KDM4C: variants seen among roughly 807,000 people sequenced by gnomAD.
KDM4C encodes lysine demethylase 4C, also known as lysine-specific demethylase 4C.
Under a neutral mutation model 129.3 loss-of-function variants are expected in KDM4C, and 81 were observed. That is an observed-to-expected ratio of 0.63 (90% CI 0.52 to 0.75). KDM4C has a LOEUF of 0.75. Ranked by LOEUF, KDM4C falls within the 30% of genes least tolerant of loss-of-function variation. The pLI, the probability that KDM4C is intolerant of heterozygous loss-of-function variation, is 0.00. For missense variants in KDM4C, 1,457 were observed against 1,304.0 expected (o/e 1.12, Z -1.81); for synonymous variants, 573 against 456.1 (o/e 1.26, Z -3.26).
At chr9:7,105,443 T>G (rs1208393529) in intron 18 of KDM4C, 1 of 470,856 alleles carries the variant, frequency 2.1e-6, no homozygotes, top group East Asian at 6.9e-5. Context: ...AAAGTTGTAT[T>G]GCTACTACTA....
Position 7,014,077 on chromosome 9 carries a change from C to G in KDM4C, c.2182+76C>G, listed in dbSNP as rs1055848936. The G allele has an allele frequency of 1.0e-5, 12 of 1,167,910 alleles. No homozygotes were observed. In the Admixed American group the frequency reaches 1.4e-4, roughly 13 times the overall value. 72.3% of individuals were successfully genotyped at this position (1,167,910 alleles called of 1,614,324 possible). The stretch of plus-strand genomic sequence containing the variant: ...ATCTTTATTTCTCACTTTTTTGGAA[C>G]CTGTCAGATCTGTTGCATGGACTAT... On this transcript the variant is annotated intron_variant, in intron 14 of 21. Transcript: ENST00000381309.
chr9:7,026,860 A>G (rs12342947), intron 15 of KDM4C, among the ~76,000 whole-genome samples: 13,164 of 151,736 alleles, frequency 0.087, 1,001 homozygotes, highest in African/African-American at 0.2. Context: ...CTGCTTGATC[A>G]GTTCTGTCCT....
chr9:6,779,217 A>G (rs1162980670), intron 1 of KDM4C, among the ~76,000 whole-genome samples: 2 of 148,534 alleles, frequency 1.3e-5, no homozygotes, highest in Non-Finnish European at 3.0e-5. Context: ...TTTAGTAGAG[A>G]TGGGGTTTCA....
chr9:6,981,086 G>A lies in KDM4C; in HGVS notation c.1083G>A (p.Gln361=). 12 of 1,612,932 alleles carry A rather than the reference G, an allele frequency of 7.4e-6. No individual in the cohort carries two copies. Among genetic ancestry groups the A allele is most frequent in the Non-Finnish European group, 1.0e-5 (12 of 1,179,516 alleles). ...ASTPEVKAWL[Q]RRRKVRKASR... is the part of the protein sequence containing the mutation. ...CCCCTGAAGTAAAAGCATGGCTGCA[G>A]AGGAGGAGGAAAGTAAGAAAAGCAT... is the stretch of plus-strand genomic sequence containing the variant. Residue 361 remains glutamine, a synonymous_variant, in exon 9 of 22, where the codon CAG becomes CAA. Transcript: ENST00000381309.
At chr9:7,093,385 A>T (rs1163411362) in intron 17 of KDM4C, among the ~76,000 whole-genome samples, 1 of 152,090 alleles carries the variant, frequency 6.6e-6, no homozygotes, top group Non-Finnish European at 1.5e-5. Flanking sequence ...AAAATAATAA[A>T]ATAACAACAC....
intron 18 of KDM4C, among the ~76,000 whole-genome samples, chr9:7,111,161 A>G (rs7870957): frequency 1.6e-3 from 242 of 152,270 alleles, no homozygotes; most frequent in African/African-American, 5.7e-3. Context: ...ATTTAATACA[A>G]TGTGATAAGC....
chr9:7,169,965 G>A (rs1564205205), intron 21 of KDM4C, 75 bp downstream of exon 21: 2 of 1,604,166 alleles, frequency 1.2e-6, no homozygotes, highest in African/African-American at 1.3e-5. Flanking sequence ...CCCAAGCCCA[G>A]CAGGAAACAT....
chr9:7,057,299 AGACACAGATACTAG>A (rs1830995299), intron 17 of KDM4C, among the ~76,000 whole-genome samples: 1 of 152,260 alleles, frequency 6.6e-6, no homozygotes, highest in Non-Finnish European at 1.5e-5. Flanking sequence ...GCTCCTGGTT[AGACACAGATACTAG>A]GACTGTTTTA....
chr9:6,865,596 T>G (rs1013061422), intron 5 of KDM4C, among the ~76,000 whole-genome samples: 3 of 152,096 alleles, frequency 2.0e-5, no homozygotes, highest in Non-Finnish European at 4.4e-5. Flanking sequence ...AGACAGAGTC[T>G]TGGTCTATCA....
At chr9:7,040,762 A>G (rs559226698) in intron 15 of KDM4C, among the ~76,000 whole-genome samples, 1 of 151,922 alleles carries the variant, frequency 6.6e-6, no homozygotes, top group Non-Finnish European at 1.5e-5. Context: ...CTTGTAACTC[A>G]TATAATTGTT....
intron 17 of KDM4C, among the ~76,000 whole-genome samples, chr9:7,084,066 A>G (rs1031450726): frequency 5.3e-5 from 8 of 152,204 alleles, no homozygotes; most frequent in Admixed American, 1.3e-4. Flanking sequence ...GCTGTCTTAG[A>G]ACATTTTAGT....
At chr9:6,926,345 A>AAAAAAAAAAAAAAAAAAAAAAAAAAAAC (rs1452737341) in intron 8 of KDM4C, among the ~76,000 whole-genome samples, 1 of 148,924 alleles carries the variant, frequency 6.7e-6, no homozygotes, top group South Asian at 2.1e-4. Context: ...AATTTGTAAA[A>AAAAAAAAAAAAAAAAAAAAAAAAAAAAC]AAAAAAAAAA....
chr9:7,067,673 A>C (rs1391615821), intron 17 of KDM4C, among the ~76,000 whole-genome samples: 1 of 152,200 alleles, frequency 6.6e-6, no homozygotes, highest in Non-Finnish European at 1.5e-5. Flanking sequence ...TTAGTTACAA[A>C]AGTAACATGC....
At chr9:6,853,964 G>A (rs1839304178) in intron 5 of KDM4C, among the ~76,000 whole-genome samples, 2 of 152,034 alleles carry the variant, frequency 1.3e-5, no homozygotes, top group Admixed American at 6.6e-5. Context: ...GTGTATAAAT[G>A]CTTTGTAAAC....
intron 19 of KDM4C, among the ~76,000 whole-genome samples, chr9:7,156,960 C>G (rs1843243139): frequency 1.3e-5 from 2 of 152,184 alleles, no homozygotes; most frequent in Admixed American, 1.3e-4. Flanking sequence ...GCCATTTGCA[C>G]AATATTGATT....
Position 6,757,990 on chromosome 9 carries a change from C to G in KDM4C, c.-231C>G, listed in dbSNP as rs574325720. On this transcript the variant is annotated 5_prime_UTR_variant, in exon 1 of 22. Transcript: ENST00000381309. Reference sequence around the variant, plus strand: ...GCGCAGGGAGAGCCGGCGGTGCGCGCGCCTTCGCCGCTGCCTCCCACCCAC... The same window carrying G: ...GCGCAGGGAGAGCCGGCGGTGCGCGGGCCTTCGCCGCTGCCTCCCACCCAC... The G allele has an allele frequency of 2.0e-6, 2 of 985,286 alleles. No homozygotes were observed. The highest frequency in any genetic ancestry group is 2.3e-4 in the East Asian group (2 of 8,808). 61.0% of individuals were successfully genotyped at this position (985,286 alleles called of 1,614,324 possible).
intron 19 of KDM4C, among the ~76,000 whole-genome samples, chr9:7,132,500 C>T (rs1341314999): frequency 6.6e-6 from 1 of 152,202 alleles, no homozygotes. Context: ...CAACAATGCA[C>T]CTGCAAAATG....
At chr9:6,791,830 C>A (rs976763467) in intron 1 of KDM4C, among the ~76,000 whole-genome samples, 1 of 152,066 alleles carries the variant, frequency 6.6e-6, no homozygotes, top group Non-Finnish European at 1.5e-5. Context: ...CGAGACCGGC[C>A]TGACCAACAT....
intron 6 of KDM4C, among the ~76,000 whole-genome samples, chr9:6,881,045 A>G (rs1373794751): frequency 6.6e-6 from 1 of 152,172 alleles, no homozygotes; most frequent in African/African-American, 2.4e-5. Context: ...TCCAGTGCAG[A>G]TCTAAGTTTC....
Sources: allele counts gnomAD v4.1 joint callset (sites outside exome capture counted in the v4.1 genomes callset), GRCh38; gene constraint gnomAD v4.1.1; transcripts MANE v1.5; gene names NCBI Gene and HGNC (gene_info 2026-07-23, HGNC 2026-07-21).